CDK5RAP2: variants seen among roughly 807,000 people sequenced by gnomAD.
CDK5RAP2 encodes the protein CDK5 regulatory subunit associated protein 2.
CDK5RAP2 carries 147 observed loss-of-function variants against 232.9 expected under a neutral mutation model. The observed-to-expected ratio is 0.63, with a 90% CI of 0.55 to 0.72. The LOEUF (loss-of-function observed/expected upper bound fraction) is 0.72. Ranked by LOEUF, CDK5RAP2 falls within the 30% of genes least tolerant of loss-of-function variation. The pLI, the probability that CDK5RAP2 is intolerant of heterozygous loss-of-function variation, is 0.00. For synonymous variants in CDK5RAP2, 833 were observed against 833.7 expected (o/e 1.00, Z 0.01); for missense variants, 2,195 against 2,231.5 (o/e 0.98, Z 0.33).
chr9:120,499,691 A>G (rs2039485043), intron 12 of CDK5RAP2, among the ~76,000 whole-genome samples: 1 of 152,336 alleles, frequency 6.6e-6, no homozygotes, highest in South Asian at 2.1e-4. Context: ...AAGGAAAGAA[A>G]GGGTTTTTTA....
At chr9:120,553,171 C>T (rs1317733612) in intron 3 of CDK5RAP2, among the ~76,000 whole-genome samples, 3 of 152,156 alleles carry the variant, frequency 2.0e-5, no homozygotes, top group Admixed American at 6.5e-5. Flanking sequence ...TATACATGAT[C>T]AAAGATCACG....
intron 3 of CDK5RAP2, among the ~76,000 whole-genome samples, chr9:120,557,734 G>A (rs2042284893): frequency 6.6e-6 from 1 of 150,484 alleles, no homozygotes; most frequent in Admixed American, 6.6e-5. Flanking sequence ...ACTCCAGCCT[G>A]GGTGACAGAG....
At chr9:120,575,716 G>A (rs896422961) in intron 1 of CDK5RAP2, among the ~76,000 whole-genome samples, 5 of 151,930 alleles carry the variant, frequency 3.3e-5, no homozygotes, top group South Asian at 2.1e-4. Flanking sequence ...GCTCCTCCTC[G>A]CTCCCATCTA....
chr9:120,397,602 T>C (rs995022612), intron 35 of CDK5RAP2, among the ~76,000 whole-genome samples: 2 of 140,304 alleles, frequency 1.4e-5, no homozygotes, highest in African/African-American at 5.4e-5. Flanking sequence ...CACAGTATCA[T>C]TATGACACCT....
At position 120,536,415 on chromosome 9, in the gene CDK5RAP2, C is replaced by T. The variant is rs756502330; in HGVS notation, c.619G>A (p.Glu207Lys). ...ACCAGAGCCATCGCCAAGTCCCCCT[C>T]GTGCATCTTCTTCATCTCTGAAAGC... is the stretch of plus-strand genomic sequence containing the variant. ...SKLSEMKKMH[E>K]GDLAMALVLD... is the part of the protein sequence containing the mutation. The change falls in exon 7 of 38, where the codon GAG becomes AAG. Residue 207 changes from glutamate (E) to lysine (K), a missense_variant. Physicochemically the swap from Glu to Lys is moderately conservative, Grantham distance 56. Transcript: ENST00000349780. 12 of 1,614,082 alleles carry T rather than the reference C, an allele frequency of 7.4e-6. No homozygotes were observed. In the South Asian group the frequency reaches 9.9e-5, roughly 13 times the overall value.
At chr9:120,410,595 AT>A (rs2033786739) in intron 29 of CDK5RAP2, among the ~76,000 whole-genome samples, 3 of 152,198 alleles carry the variant, frequency 2.0e-5, no homozygotes, top group Admixed American at 6.5e-5. Context: ...CCGTTTCTGT[AT>A]CACAGTCTAC....
intron 1 of CDK5RAP2, among the ~76,000 whole-genome samples, chr9:120,573,346 C>T (rs996107930): frequency 2.6e-5 from 4 of 152,048 alleles, no homozygotes; most frequent in African/African-American, 9.7e-5. Flanking sequence ...ATCAGGAGTT[C>T]GAGACCAGCC....
intron 20 of CDK5RAP2, among the ~76,000 whole-genome samples, chr9:120,454,562 C>A (rs1469345534): frequency 2.6e-5 from 4 of 152,208 alleles, no homozygotes; most frequent in African/African-American, 9.6e-5. Flanking sequence ...TTGCCACATA[C>A]CCTTGGCCCA....
At chr9:120,522,617 A>C (rs1459079425) in intron 11 of CDK5RAP2, among the ~76,000 whole-genome samples, 1 of 152,176 alleles carries the variant, frequency 6.6e-6, no homozygotes, top group African/African-American at 2.4e-5. Flanking sequence ...GGAGGATGCC[A>C]TTTCCAATTT....
At chr9:120,436,300 T>C (rs2035574236) in intron 25 of CDK5RAP2, among the ~76,000 whole-genome samples, 1 of 152,196 alleles carries the variant, frequency 6.6e-6, no homozygotes, top group Admixed American at 6.5e-5. Flanking sequence ...AGCGAGGGGC[T>C]AGCCTGAACT....
At chr9:120,528,076 G>T in intron 9 of CDK5RAP2, 151 bp from the exon 10 acceptor site, 2 of 1,117,558 alleles carry the variant, frequency 1.8e-6, no homozygotes, top group Non-Finnish European at 2.6e-6. Flanking sequence ...TGAACATAGT[G>T]CCATCAGCTC....
chr9:120,433,168 C>T (rs1397693719), intron 25 of CDK5RAP2, among the ~76,000 whole-genome samples: 1 of 152,134 alleles, frequency 6.6e-6, no homozygotes, highest in African/African-American at 2.4e-5. Flanking sequence ...ATTAAATGAA[C>T]TATGTGGGCC....
rs754952567 is a variant in CDK5RAP2 at position 120,453,706 on chromosome 9, T to C, written c.2543A>G (p.Glu848Gly). The change falls in exon 21 of 38, where the codon GAA becomes GGA. Residue 848 changes from glutamate (E) to glycine (G), a missense_variant. Physicochemically the swap from Glu to Gly is moderately conservative, Grantham distance 98. Coordinates refer to ENST00000349780, the MANE Select transcript of CDK5RAP2 (RefSeq NM_018249.6). ...CTGGGCCTCACAAGACAACTTCAGT[T>C]CATCATGTGGCTTGGAAAATGAGTT... The part of the protein sequence containing the change: ...QTNSFSKPHD[E>G]LKLSCEAQLV... The C allele has an allele frequency of 6.2e-7, 1 of 1,614,234 alleles. No homozygotes were observed. Among genetic ancestry groups the C allele is most frequent in the Non-Finnish European group, 8.5e-7 (1 of 1,180,036 alleles).
chr9:120,527,942 A>G lies in CDK5RAP2; in HGVS notation c.880-17T>C. On this transcript the variant is annotated splice_polypyrimidine_tract_variant and intron_variant, in intron 9 of 37. Coordinates refer to ENST00000349780, the MANE Select transcript of CDK5RAP2 (RefSeq NM_018249.6). ...TTCAAGTGCCTAAATTAGATTAGAA[A>G]AAGATTCACTAAGTTGATGCGTTCC... The G allele has an allele frequency of 6.2e-7, 1 of 1,613,480 alleles. No individual in the cohort carries two copies. Among genetic ancestry groups the G allele is most frequent in the Non-Finnish European group, 8.5e-7 (1 of 1,179,956 alleles).
At chr9:120,500,304 A>G (rs767499035) in intron 12 of CDK5RAP2, among the ~76,000 whole-genome samples, 11 of 151,976 alleles carry the variant, frequency 7.2e-5, no homozygotes, top group Non-Finnish European at 1.5e-4. Context: ...CTAACTTCTG[A>G]TTTGTTTTCT....
At chr9:120,409,339 C>G in intron 29 of CDK5RAP2, 23 bp from the exon 30 acceptor site, 1 of 1,536,380 alleles carries the variant, frequency 6.5e-7, no homozygotes. Flanking sequence ...AAAGGTGCCA[C>G]TGAGAAGGGC....
chr9:120,446,676 C>G (rs1190901936), intron 22 of CDK5RAP2, among the ~76,000 whole-genome samples: 1 of 152,172 alleles, frequency 6.6e-6, no homozygotes, highest in Non-Finnish European at 1.5e-5. Context: ...CTTCTACATA[C>G]AACTCTCCCT....
At chr9:120,447,163 T>C (rs1042022942) in intron 22 of CDK5RAP2, among the ~76,000 whole-genome samples, 2 of 152,184 alleles carry the variant, frequency 1.3e-5, no homozygotes, top group African/African-American at 2.4e-5. Flanking sequence ...AGTTCAAAAT[T>C]AGGAGTCAAC....
At chr9:120,508,461 G>C (rs988760318) in intron 12 of CDK5RAP2, among the ~76,000 whole-genome samples, 5 of 152,216 alleles carry the variant, frequency 3.3e-5, no homozygotes, top group African/African-American at 1.2e-4. Context: ...CCACCAGAAT[G>C]AAACAGTCCT....
Sources: gnomAD v4.1 joint callset for allele counts (sites outside exome capture counted in the v4.1 genomes callset) on GRCh38, gnomAD v4.1.1 for gene constraint, MANE v1.5 for transcripts, NCBI Gene and HGNC (gene_info 2026-07-23, HGNC 2026-07-21) for gene names.